ASTN2: variants seen among roughly 807,000 people sequenced by gnomAD.
The protein encoded by ASTN2 is astrotactin-2.
ASTN2 carries 54 observed loss-of-function variants against 139.8 expected under a neutral mutation model. That is an observed-to-expected ratio of 0.39 (90% CI 0.31 to 0.48). The LOEUF is 0.48. ASTN2 is among the 20% of genes least tolerant of loss of function. The pLI, the probability that ASTN2 is intolerant of heterozygous loss-of-function variation, is 0.95. For synonymous variants in ASTN2, 756 were observed against 719.5 expected, an observed-to-expected ratio of 1.05 and a Z score of -0.81; for missense variants, 1,565 against 1,725.1, an observed-to-expected ratio of 0.91 and a Z score of 1.64.
intron 10 of ASTN2, among the ~76,000 whole-genome samples, chr9:116,881,533 T>C (rs866036133): frequency 1.2e-4 from 19 of 152,342 alleles, no homozygotes; most frequent in African/African-American, 4.6e-4. Flanking sequence ...TCAGGACTGA[T>C]ATTAAAACAA....
chr9:116,597,299 A>ATTTTTGTTTTTTTTT lies in ASTN2; in HGVS notation c.3355+21024_3355+21025insAAAAAAAAACAAAAA, dbSNP rs1554718677. On this transcript the variant is annotated intron_variant, in intron 19 of 22. Coordinates refer to ENST00000313400, the MANE Select transcript of ASTN2 (RefSeq NM_001365068.1). ...CAAAATATTCCATGACTTTTGATCT[A>ATTTTTGTTTTTTTTT]TTTTTTTTTTTTTTTTTTTTTTTTG... Among the ~76,000 whole-genome samples the ATTTTTGTTTTTTTTT allele has an allele frequency of 7.5e-4, 57 of 75,540 alleles. 8 individuals are homozygous for ATTTTTGTTTTTTTTT. The highest frequency in any genetic ancestry group is 3.4e-3 in the East Asian group (7 of 2,046). 49.6% of individuals were successfully genotyped at this position (75,540 alleles called of 152,430 possible).
intron 3 of ASTN2, among the ~76,000 whole-genome samples, chr9:117,201,589 A>T (rs949784135): frequency 6.6e-6 from 1 of 151,986 alleles, no homozygotes; most frequent in Non-Finnish European, 1.5e-5. Flanking sequence ...CCTTAATTTC[A>T]TTATTTATCC....
intron 19 of ASTN2, among the ~76,000 whole-genome samples, chr9:116,597,299 A>ATTTTTT (rs757848093): frequency 1.3e-5 from 1 of 75,530 alleles, no homozygotes; most frequent in Non-Finnish European, 2.4e-5. Context: ...CTTTTGATCT[A>ATTTTTT]TTTTTTTTTT....
intron 20 of ASTN2, among the ~76,000 whole-genome samples, chr9:116,465,955 C>T (rs1387677530): frequency 7.5e-6 from 1 of 133,716 alleles, no homozygotes; most frequent in Admixed American, 8.1e-5. Flanking sequence ...GCTTATTGTA[C>T]TTTCTCCATA....
At chr9:117,232,327 G>T (rs559133634) in intron 2 of ASTN2, among the ~76,000 whole-genome samples, 1 of 152,164 alleles carries the variant, frequency 6.6e-6, no homozygotes, top group South Asian at 2.1e-4. Context: ...TCTCTCTCTT[G>T]CCCAACATCC....
At chr9:117,061,767 G>A (rs1427112620) in intron 5 of ASTN2, among the ~76,000 whole-genome samples, 1 of 152,140 alleles carries the variant, frequency 6.6e-6, no homozygotes, top group Non-Finnish European at 1.5e-5. Context: ...AAGAGGGAGA[G>A]AAGGCTCTCA....
intron 19 of ASTN2, among the ~76,000 whole-genome samples, chr9:116,608,193 T>C (rs999281121): frequency 2.6e-5 from 4 of 152,214 alleles, no homozygotes; most frequent in South Asian, 2.1e-4. Context: ...CTTCGTAAGA[T>C]AGAGTAATGG....
At chr9:117,119,518 A>G (rs1829487260) in intron 4 of ASTN2, among the ~76,000 whole-genome samples, 1 of 152,138 alleles carries the variant, frequency 6.6e-6, no homozygotes, top group South Asian at 2.1e-4. Context: ...TCTCTCCTGC[A>G]TCTCACAGCT....
intron 2 of ASTN2, among the ~76,000 whole-genome samples, chr9:117,238,975 A>T (rs1310231911): frequency 6.6e-6 from 1 of 152,222 alleles, no homozygotes; most frequent in Non-Finnish European, 1.5e-5. Context: ...ATATTCCACC[A>T]CACCCAAGGA....
chr9:117,170,039 T>C (rs1830755318), intron 3 of ASTN2, among the ~76,000 whole-genome samples: 5 of 152,138 alleles, frequency 3.3e-5, no homozygotes. Flanking sequence ...CATCTCTTCA[T>C]GACACAGGTG....
intron 2 of ASTN2, among the ~76,000 whole-genome samples, chr9:117,287,287 A>G (rs889042142): frequency 5.3e-5 from 8 of 152,250 alleles, no homozygotes; most frequent in Non-Finnish European, 7.3e-5. Flanking sequence ...GTAGTGATAG[A>G]GACATTATTC....
intron 16 of ASTN2, among the ~76,000 whole-genome samples, chr9:116,668,488 G>A (rs10817921): frequency 1.3e-4 from 20 of 152,064 alleles, no homozygotes; most frequent in Admixed American, 5.2e-4. Flanking sequence ...CACCATGCCC[G>A]GCCGCCTTCT....
chr9:117,216,432 T>C (rs1192273345), intron 2 of ASTN2, among the ~76,000 whole-genome samples: 1 of 152,234 alleles, frequency 6.6e-6, no homozygotes, highest in Admixed American at 6.5e-5. Flanking sequence ...TGAGCTACTT[T>C]GGTTTCCCCA....
chr9:117,313,944 C>T (rs1409417494), intron 1 of ASTN2, among the ~76,000 whole-genome samples: 1 of 152,154 alleles, frequency 6.6e-6, no homozygotes, highest in Non-Finnish European at 1.5e-5. Context: ...TCCATGCTTC[C>T]TAAACTCTCC....
chr9:117,214,563 T>C lies in ASTN2; in HGVS notation c.810A>G (p.Ser270=), dbSNP rs755519407. 6 of 1,611,668 alleles carry C rather than the reference T, an allele frequency of 3.7e-6. No homozygotes were observed. In the Admixed American group the frequency reaches 1.0e-4, roughly 27 times the overall value. ...LGPQARESFR[S]SRLQTHNSVI... ...CGGAATTGTGGGTTTGCAGCCGGGA[T>C]GAACGGAAGCTCTCCCGCGCCTGGG... Residue 270 remains serine, a synonymous_variant, in exon 3 of 23, where the codon TCA becomes TCG. Transcript: ENST00000313400.
intron 3 of ASTN2, among the ~76,000 whole-genome samples, chr9:117,208,545 G>T (rs1832014008): frequency 1.3e-5 from 2 of 152,032 alleles, no homozygotes; most frequent in South Asian, 4.1e-4. Flanking sequence ...TGTTTCAGAA[G>T]AACAAGTGAA....
At chr9:116,739,296 T>C (rs758073820) in intron 13 of ASTN2, among the ~76,000 whole-genome samples, 7 of 152,180 alleles carry the variant, frequency 4.6e-5, no homozygotes, top group Admixed American at 1.3e-4. Flanking sequence ...CAATGTTGCA[T>C]TGAGGTCTAC....
intron 15 of ASTN2, 130 bp downstream of exon 15, chr9:116,728,862 T>C: frequency 4.1e-6 from 3 of 731,872 alleles, no homozygotes; most frequent in East Asian, 2.7e-5. Flanking sequence ...GACTCCTTGA[T>C]GGCAGAGAGG....
At chr9:116,894,069 G>C (rs548201783) in intron 10 of ASTN2, among the ~76,000 whole-genome samples, 2 of 152,108 alleles carry the variant, frequency 1.3e-5, no homozygotes, top group African/African-American at 2.4e-5. Context: ...TCCATTCTAG[G>C]ACTGACTGAG....
Sources: allele counts gnomAD v4.1 joint callset (sites outside exome capture counted in the v4.1 genomes callset), GRCh38; gene constraint gnomAD v4.1.1; transcripts MANE v1.5; gene names NCBI Gene and HGNC (gene_info 2026-07-23, HGNC 2026-07-21).